MRPL39: variants seen among roughly 807,000 people sequenced by gnomAD.
MRPL39 encodes large ribosomal subunit protein mL39.
Under a neutral mutation model 44.5 loss-of-function variants are expected in MRPL39, and 35 were observed. That is an observed-to-expected ratio of 0.79 (90% confidence interval 0.60 to 1.04). The LOEUF (loss-of-function observed/expected upper bound fraction) is 1.04. Among genes scored for constraint, MRPL39 ranks in the 50% least tolerant of loss-of-function variants. MRPL39 has a pLI of 0.00. For missense variants in MRPL39, 433 were observed against 413.5 expected (o/e 1.05, Z -0.41); for synonymous variants, 139 against 136.1 (o/e 1.02, Z -0.15).
chr21:25,605,600 C>G (rs2123260259), intron 2 of MRPL39, among the ~76,000 whole-genome samples: 1 of 152,296 alleles, frequency 6.6e-6, no homozygotes, highest in East Asian at 1.9e-4. Flanking sequence ...TTGAGACCTG[C>G]ACGGTGACTC....
chr21:25,593,090 A>T (rs2031234564), intron 7 of MRPL39, 125 bp from the exon 8 acceptor site: 1 of 806,740 alleles, frequency 1.2e-6, no homozygotes, highest in Non-Finnish European at 1.8e-6. Flanking sequence ...ATATGGTTCA[A>T]TTCAGTTTCT....
At chr21:25,592,354 T>A (rs1048414642) in intron 8 of MRPL39, among the ~76,000 whole-genome samples, 1 of 152,180 alleles carries the variant, frequency 6.6e-6, no homozygotes, top group South Asian at 2.1e-4. Flanking sequence ...GTACATGGGA[T>A]CTCTCTATGT....
chr21:25,606,473 A>G lies in MRPL39; in HGVS notation c.256T>C (p.Ser86Pro). The G allele has an allele frequency of 6.2e-7, 1 of 1,610,952 alleles. No homozygotes were observed. The highest frequency in any genetic ancestry group is 8.5e-7 in the Non-Finnish European group (1 of 1,178,522). ...GTVFVMNKNI[S>P]TPYSCAMHLS... ...CGCATGGCACAACTGTAGGGAGTTG[A>G]AATGTTTTTATTCATCACGAAGACA... is the stretch of plus-strand genomic sequence containing the variant. Residue 86 changes from serine to proline, a missense_variant, in exon 2 of 10, where the codon TCA becomes CCA. Physicochemically the swap from Ser to Pro is moderately conservative, Grantham distance 74. Coordinates refer to ENST00000352957, the MANE Select transcript of MRPL39 (RefSeq NM_017446.4).
chr21:25,604,041 G>C lies in MRPL39; in HGVS notation c.281-106C>G. 4 of 1,055,346 alleles carry C rather than the reference G, an allele frequency of 3.8e-6. No individual in the cohort carries two copies. The South Asian group carries it at 4.8e-5, about 13-fold the overall frequency. 65.4% of individuals were successfully genotyped at this position (1,055,346 alleles called of 1,614,324 possible). ...AACAATGGAAAGGCAAGATTCTGCAGACTGTCCTTTTTAGAGAAAAAAAGT... is the reference window on the plus strand; with the variant it reads ...AACAATGGAAAGGCAAGATTCTGCACACTGTCCTTTTTAGAGAAAAAAAGT... On this transcript the variant is annotated intron_variant, in intron 2 of 9. Coordinates refer to ENST00000352957, the MANE Select transcript of MRPL39 (RefSeq NM_017446.4).
chr21:25,594,010 G>A (rs967588627), intron 6 of MRPL39, 52 bp from the exon 7 acceptor site: 3 of 1,471,114 alleles, frequency 2.0e-6, no homozygotes, highest in Middle Eastern at 1.9e-4. Flanking sequence ...TATGTAAAAA[G>A]GTGTTTAAAG....
chr21:25,606,177 G>A (rs2031660197), intron 2 of MRPL39, among the ~76,000 whole-genome samples: 1 of 152,098 alleles, frequency 6.6e-6, no homozygotes, highest in Non-Finnish European at 1.5e-5. Context: ...AGACAGGGTG[G>A]CTATGGTGCC....
At chr21:25,587,504 T>C (rs898812731) in intron 9 of MRPL39, among the ~76,000 whole-genome samples, 2 of 152,244 alleles carry the variant, frequency 1.3e-5, no homozygotes, top group Non-Finnish European at 2.9e-5. Flanking sequence ...TGAAAAATTG[T>C]CAATAAATAT....
intron 2 of MRPL39, among the ~76,000 whole-genome samples, chr21:25,604,524 T>C (rs1337853558): frequency 3.9e-5 from 6 of 152,196 alleles, no homozygotes; most frequent in African/African-American, 1.4e-4. Context: ...GTTTTGGGTC[T>C]TGCTCCCAAA....
Position 25,585,764 on chromosome 21 carries a change from C to T in MRPL39, c.970-10G>A. On this transcript the variant is annotated splice_polypyrimidine_tract_variant and intron_variant, in intron 9 of 9. Transcript: ENST00000352957. Reference sequence around the variant, plus strand: ...TTTGATCTTCAGTTACCTGTAAAAACATGAATAGCTTTACTTTCCTAATAA... The same window carrying T: ...TTTGATCTTCAGTTACCTGTAAAAATATGAATAGCTTTACTTTCCTAATAA... 1 of 1,579,292 alleles carries T rather than the reference C, an allele frequency of 6.3e-7. No individual in the cohort carries two copies. The highest frequency in any genetic ancestry group is 8.7e-7 in the Non-Finnish European group (1 of 1,155,852).
intron 2 of MRPL39, 78 bp downstream of exon 2, chr21:25,606,371 G>T: frequency 7.8e-7 from 1 of 1,277,004 alleles, no homozygotes; most frequent in Non-Finnish European, 1.1e-6. Context: ...AGTAATTACA[G>T]CATCCTGTCT....
chr21:25,592,776 C>G, intron 8 of MRPL39, 36 bp downstream of exon 8: 3 of 1,498,024 alleles, frequency 2.0e-6, no homozygotes, highest in Non-Finnish European at 1.8e-6. Flanking sequence ...TATCTATACC[C>G]AAATTGGAAG....
Position 25,585,772 on chromosome 21 carries a change from G to T in MRPL39, c.970-18C>A. 1 of 1,567,404 alleles carries T rather than the reference G, an allele frequency of 6.4e-7. No homozygotes were observed. The highest frequency in any genetic ancestry group is 8.7e-7 in the Non-Finnish European group (1 of 1,145,472). On this transcript the variant is annotated intron_variant, in intron 9 of 9. Coordinates refer to ENST00000352957, the MANE Select transcript of MRPL39 (RefSeq NM_017446.4). ...TCAGTTACCTGTAAAAACATGAATA[G>T]CTTTACTTTCCTAATAAACACTTTC...
chr21:25,589,683 A>T (rs1033343365), intron 8 of MRPL39, among the ~76,000 whole-genome samples: 2 of 152,256 alleles, frequency 1.3e-5, no homozygotes, highest in Non-Finnish European at 2.9e-5. Flanking sequence ...GAAAGTGGTA[A>T]CAAGACATAT....
At chr21:25,605,534 CA>C (rs1340005709) in intron 2 of MRPL39, among the ~76,000 whole-genome samples, 1 of 151,652 alleles carries the variant, frequency 6.6e-6, no homozygotes, top group African/African-American at 2.4e-5. Context: ...AAAAAGGCGG[CA>C]AAAAAAAGCT....
chr21:25,588,227 G>A (rs1054951091), intron 9 of MRPL39, among the ~76,000 whole-genome samples: 1 of 151,970 alleles, frequency 6.6e-6, no homozygotes, highest in East Asian at 1.9e-4. Context: ...CACGAGAATC[G>A]CTTGAGCCCG....
chr21:25,592,361 A>C (rs1537086), intron 8 of MRPL39, among the ~76,000 whole-genome samples: 11,617 of 152,172 alleles, frequency 0.076, 1,095 homozygotes, highest in African/African-American at 0.21. Context: ...GGATCTCTCT[A>C]TGTCTTATAA....
At chr21:25,595,577 G>A (rs1486135443) in intron 6 of MRPL39, among the ~76,000 whole-genome samples, 2 of 152,112 alleles carry the variant, frequency 1.3e-5, no homozygotes, top group South Asian at 2.1e-4. Context: ...AAAGTACCAT[G>A]GTGCACTTAA....
At chr21:25,589,186 T>C (rs751186947) in intron 8 of MRPL39, among the ~76,000 whole-genome samples, 4 of 152,182 alleles carry the variant, frequency 2.6e-5, no homozygotes, top group African/African-American at 4.8e-5. Context: ...ATTTCCATCA[T>C]AGAAAGCATT....
intron 2 of MRPL39, among the ~76,000 whole-genome samples, chr21:25,605,799 T>C (rs556537138): frequency 9.2e-5 from 14 of 152,190 alleles, no homozygotes; most frequent in Admixed American, 2.6e-4. Context: ...AGCTACTTCG[T>C]AGGCTGAGGC....
Sources: allele counts gnomAD v4.1 joint callset (sites outside exome capture counted in the v4.1 genomes callset), GRCh38; gene constraint gnomAD v4.1.1; transcripts MANE v1.5; gene names NCBI Gene and HGNC (gene_info 2026-07-23, HGNC 2026-07-21).